Variants in PHF21B observed in about 807,000 individuals in gnomAD.
PHF21B encodes the protein PHD finger protein 21B.
Under a neutral mutation model 62.2 loss-of-function variants are expected in PHF21B, and 22 were observed. The ratio of observed to expected loss-of-function variants is 0.35; its 90% CI spans 0.25 to 0.51. The LOEUF (loss-of-function observed/expected upper bound fraction) is 0.51. Among genes scored for constraint, PHF21B ranks in the 20% least tolerant of loss-of-function variants. The pLI is 0.97. For missense variants in PHF21B, 701 were observed against 707.9 expected (o/e 0.99, Z 0.11); for synonymous variants, 341 against 314.7 (o/e 1.08, Z -0.88).
At chr22:45,004,780 C>T (rs954430931) in intron 2 of PHF21B, among the ~76,000 whole-genome samples, 3 of 152,244 alleles carry the variant, frequency 2.0e-5, no homozygotes, top group African/African-American at 7.2e-5. Flanking sequence ...GAAGACACGT[C>T]TCAGCGCTGG....
chr22:44,889,745 G>C lies in PHF21B; in HGVS notation c.1038+15C>G. On this transcript the variant is annotated intron_variant, in intron 9 of 12. Coordinates refer to ENST00000313237, the MANE Select transcript of PHF21B (RefSeq NM_138415.5). ...CCACCCCGGAAGTGTGAAGACGGAG[G>C]GAGGGGACACGTACCTTCCAGCAGG... 6.3e-7 allele frequency: 1 copy of C among 1,583,920 alleles called. No individual in the cohort carries two copies. The highest frequency in any genetic ancestry group is 8.6e-7 in the Non-Finnish European group (1 of 1,168,370).
At chr22:44,982,592 G>C (rs1028351129) in intron 2 of PHF21B, among the ~76,000 whole-genome samples, 5 of 152,204 alleles carry the variant, frequency 3.3e-5, no homozygotes, top group Admixed American at 1.3e-4. Context: ...CGCAGCCACT[G>C]CTTCTGCCCA....
chr22:44,968,643 C>CAAA (rs57203297), intron 2 of PHF21B, among the ~76,000 whole-genome samples: 19 of 113,748 alleles, frequency 1.7e-4, no homozygotes, highest in African/African-American at 4.0e-4. Flanking sequence ...GATTCCATCT[C>CAAA]AAAAAAAAAA....
intron 2 of PHF21B, among the ~76,000 whole-genome samples, chr22:44,941,503 A>C (rs2071955971): frequency 6.6e-6 from 1 of 152,184 alleles, no homozygotes; most frequent in Non-Finnish European, 1.5e-5. Context: ...ACAGCGGCGG[A>C]GGAGGTGGGT....
chr22:44,887,960 T>C lies in PHF21B; in HGVS notation c.1197+3A>G, dbSNP rs758604921. ...GGTGAGGGGGTCACACAGCCTCCTGTACCTTCTGCTGGCACCTGGGGCACA... is the reference window on the plus strand; with the variant it reads ...GGTGAGGGGGTCACACAGCCTCCTGCACCTTCTGCTGGCACCTGGGGCACA... On this transcript the variant is annotated splice_donor_region_variant and intron_variant, in intron 10 of 12. Coordinates refer to ENST00000313237, the MANE Select transcript of PHF21B (RefSeq NM_138415.5). 5 of 1,519,184 alleles carry C rather than the reference T, an allele frequency of 3.3e-6. No individual in the cohort carries two copies. The highest frequency in any genetic ancestry group is 4.4e-6 in the Non-Finnish European group (5 of 1,131,898). The allele number at this position is 1,519,184 out of a possible 1,614,324, so 94.1% of individuals were successfully genotyped here.
At chr22:44,897,259 T>C (rs1028917029) in intron 5 of PHF21B, among the ~76,000 whole-genome samples, 2 of 152,070 alleles carry the variant, frequency 1.3e-5, no homozygotes, top group Admixed American at 1.3e-4. Context: ...TGACATTCTT[T>C]GGTGGTGGAA....
intron 2 of PHF21B, among the ~76,000 whole-genome samples, chr22:44,928,749 G>A (rs1439974528): frequency 6.6e-6 from 1 of 152,214 alleles, no homozygotes; most frequent in Non-Finnish European, 1.5e-5. Context: ...ATTGTCTACA[G>A]AAGGCGCTGG....
chr22:44,967,924 T>G (rs1040230816), intron 2 of PHF21B, among the ~76,000 whole-genome samples: 3 of 152,176 alleles, frequency 2.0e-5, no homozygotes. Flanking sequence ...TGTCTGTTTC[T>G]CTCTTGATGA....
chr22:45,008,927 G>A (rs1366146131), intron 1 of PHF21B: 10 of 1,110,928 alleles, frequency 9.0e-6, no homozygotes, highest in African/African-American at 1.7e-5. Context: ...AGTGTGTGCC[G>A]GGGGAGGGGG....
At chr22:44,890,361 C>T (rs777484834) in intron 8 of PHF21B, among the ~76,000 whole-genome samples, 2 of 152,198 alleles carry the variant, frequency 1.3e-5, no homozygotes, top group South Asian at 2.1e-4. Context: ...TTTTAATGAT[C>T]GCAAACATAT....
At chr22:45,003,997 A>G (rs2073267409) in intron 2 of PHF21B, among the ~76,000 whole-genome samples, 1 of 152,164 alleles carries the variant, frequency 6.6e-6, no homozygotes, top group Non-Finnish European at 1.5e-5. Context: ...ATACACACAC[A>G]CATAGTATGA....
At chr22:44,887,467 G>A (rs914136961) in intron 10 of PHF21B, among the ~76,000 whole-genome samples, 3 of 152,174 alleles carry the variant, frequency 2.0e-5, no homozygotes, top group East Asian at 1.9e-4. Context: ...CTCACTGAGT[G>A]CAGAGCTGGG....
At chr22:44,891,923 T>G (rs1344911991) in intron 7 of PHF21B, among the ~76,000 whole-genome samples, 2 of 152,172 alleles carry the variant, frequency 1.3e-5, no homozygotes, top group African/African-American at 4.8e-5. Flanking sequence ...GTTGTAATAC[T>G]GCGTGGCCAG....
At chr22:44,997,885 A>G (rs1236505836) in intron 2 of PHF21B, among the ~76,000 whole-genome samples, 1 of 152,188 alleles carries the variant, frequency 6.6e-6, no homozygotes, top group Admixed American at 6.5e-5. Flanking sequence ...CGCATAACGG[A>G]GGCCCGCCCT....
chr22:44,963,076 G>A (rs1230958804), intron 2 of PHF21B, among the ~76,000 whole-genome samples: 1 of 152,242 alleles, frequency 6.6e-6, no homozygotes, highest in Non-Finnish European at 1.5e-5. Flanking sequence ...GGGCACAGGG[G>A]CTGCCCCCCA....
chr22:45,005,866 T>G (rs1293740118), intron 2 of PHF21B, among the ~76,000 whole-genome samples: 1 of 152,202 alleles, frequency 6.6e-6, no homozygotes, highest in East Asian at 1.9e-4. Flanking sequence ...AAACAAACTG[T>G]GACACACTTG....
intron 2 of PHF21B, among the ~76,000 whole-genome samples, chr22:44,954,203 A>G (rs927374987): frequency 1.7e-4 from 26 of 152,010 alleles, no homozygotes; most frequent in Non-Finnish European, 3.1e-4. Context: ...TAAAAAAAAA[A>G]TCCCCTTGGA....
At chr22:44,891,622 C>T (rs771744313) in intron 7 of PHF21B, among the ~76,000 whole-genome samples, 8 of 152,178 alleles carry the variant, frequency 5.3e-5, no homozygotes, top group African/African-American at 1.2e-4. Context: ...CTCTCTGCAC[C>T]CATGGGTGCG....
intron 2 of PHF21B, among the ~76,000 whole-genome samples, chr22:44,934,940 G>T (rs2071814913): frequency 6.6e-6 from 1 of 152,228 alleles, no homozygotes. Context: ...CCTTCCAGGA[G>T]CGTGGGAAGA....
Sources: gnomAD v4.1 joint callset for allele counts (sites outside exome capture counted in the v4.1 genomes callset) on GRCh38, gnomAD v4.1.1 for gene constraint, MANE v1.5 for transcripts, NCBI Gene and HGNC (gene_info 2026-07-23, HGNC 2026-07-21) for gene names.